The following CTRB2 variants were observed in gnomAD, a reference collection of about 807,000 sequenced individuals.
CTRB2 encodes the protein chymotrypsin B2.
A neutral mutation model predicts 19.3 loss-of-function variants in CTRB2; 9 were observed. The observed-to-expected ratio is 0.47, with a 90% CI of 0.28 to 0.81. CTRB2 has a LOEUF of 0.81. Among genes scored for constraint, CTRB2 ranks in the 40% least tolerant of loss-of-function variants. The pLI, the probability that CTRB2 is intolerant of heterozygous loss-of-function variation, is 0.11. For missense variants in CTRB2, 210 were observed against 269.7 expected, an observed-to-expected ratio of 0.78 and a Z score of 1.55; for synonymous variants, 98 against 117.3, an observed-to-expected ratio of 0.84 and a Z score of 1.06.
chr16:75,206,701 T>C (rs1597117678), intron 1 of CTRB2: 2 of 358,686 alleles, frequency 5.6e-6, no homozygotes, highest in South Asian at 2.5e-5. Context: ...AGGTTTGGAC[T>C]GAACGGTGCC....
chr16:75,206,999 C>T (rs2038903473), intron 1 of CTRB2, 91 bp downstream of exon 1: 3 of 1,244,134 alleles, frequency 2.4e-6, no homozygotes, highest in South Asian at 2.6e-5. Context: ...CACAGCTGAA[C>T]TGGGAGCTGG....
intron 6 of CTRB2, 33 bp from the exon 7 acceptor site, chr16:75,204,355 G>T: frequency 6.2e-7 from 1 of 1,609,078 alleles, no homozygotes; most frequent in Non-Finnish European, 8.5e-7. Context: ...CTCTAGGCCT[G>T]AAAGGGGTGC....
At chr16:75,204,957 G>A in intron 5 of CTRB2, 51 bp from the exon 6 acceptor site, 2 of 629,708 alleles carry the variant, frequency 3.2e-6, no homozygotes, top group Non-Finnish European at 5.0e-6. Flanking sequence ...AGCCAAGAGT[G>A]GAGGGAGAGA....
intron 1 of CTRB2, 54 bp downstream of exon 1, chr16:75,207,036 G>C (rs967800296): frequency 7.9e-6 from 12 of 1,513,414 alleles, no homozygotes; most frequent in African/African-American, 1.4e-5. Context: ...GCTGGCCTCG[G>C]GGCTGGGAGT....
intron 1 of CTRB2, chr16:75,206,429 T>A: frequency 1.7e-6 from 1 of 572,776 alleles, no homozygotes; most frequent in Non-Finnish European, 3.1e-6. Flanking sequence ...CCCACCTCAG[T>A]TCGGAGAAGT....
chr16:75,206,805 C>T (rs1190324893), intron 1 of CTRB2: 2 of 476,062 alleles, frequency 4.2e-6, no homozygotes, highest in Non-Finnish European at 7.8e-6. Context: ...AGCCCCCGGA[C>T]ACCTGCCTCC....
rs2038901225 is a variant in CTRB2, at chr16:75,206,898, G to T, written c.52+192C>A. ...GGACTCCCCATCTCCTGAGCTCAGA[G>T]GCGGCAGCTGAGCCTGGGAGGGAGG... On this transcript the variant is annotated intron_variant, in intron 1 of 6. Transcript: ENST00000303037. 6.6e-6 allele frequency: 4 copies of T among 604,564 alleles called. No individual in the cohort carries two copies. In the Admixed American group the frequency reaches 7.0e-5, roughly 11 times the overall value. 37.4% of individuals were successfully genotyped at this position (604,564 alleles called of 1,614,324 possible).
Position 75,206,290 on chromosome 16 carries a change from C to G in CTRB2, c.53-97G>C, listed in dbSNP as rs2038891101. ...CCAACTCTTTTCCAGTCTCTGGGACCTAGACTGGCTCCCACATCCCCTTCT... is the reference window on the plus strand; with the variant it reads ...CCAACTCTTTTCCAGTCTCTGGGACGTAGACTGGCTCCCACATCCCCTTCT... On this transcript the variant is annotated intron_variant, in intron 1 of 6. Transcript: ENST00000303037. The G allele has an allele frequency of 7.0e-6, 9 of 1,283,770 alleles. No individual in the cohort carries two copies. In the Middle Eastern group the frequency reaches 9.7e-4, roughly 139 times the overall value. 79.5% of individuals were successfully genotyped at this position (1,283,770 alleles called of 1,614,324 possible).
At position 75,204,910 on chromosome 16, in the gene CTRB2, C is replaced by G. The variant is rs1395234195; in HGVS notation, c.497-4G>C. 9.7e-7 allele frequency: 1 copy of G among 1,029,138 alleles called. No individual in the cohort carries two copies. The highest frequency in any genetic ancestry group is 1.6e-5 in the South Asian group (1 of 64,198). The allele number at this position is 1,029,138 out of a possible 1,614,324, so 63.8% of individuals were successfully genotyped here. A position where few individuals can be genotyped will look rare whatever the true frequency, so the allele number is the denominator to read the frequency against. Reference sequence around the variant, plus strand: ...AGCTTGTCAGGGGTCTTGTTGGCTGCAGGACAGGAGGAGGGTCAGGGCCCC... The same window carrying G: ...AGCTTGTCAGGGGTCTTGTTGGCTGGAGGACAGGAGGAGGGTCAGGGCCCC... On this transcript the variant is annotated splice_polypyrimidine_tract_variant and splice_region_variant and intron_variant, in intron 5 of 6. Coordinates refer to ENST00000303037, the MANE Select transcript of CTRB2 (RefSeq NM_001025200.4).
intron 5 of CTRB2, 34 bp from the exon 6 acceptor site, chr16:75,204,940 C>A (rs2038876678): frequency 1.3e-6 from 1 of 756,790 alleles, no homozygotes; most frequent in South Asian, 1.8e-5. Flanking sequence ...GGCCCCTGGG[C>A]TCACTCAGCC....
chr16:75,204,170 G>A lies in CTRB2; in HGVS notation c.783C>T (p.Ala261=), dbSNP rs1049303. ...GGCAGGAGCTGCGGGCTCAGTTGGC[G>A]GCCAGGATCTTCTGCACCCAGGGTA... The part of the protein sequence containing the change: ...KLIPWVQKIL[A]AN Residue 261 remains alanine, a synonymous_variant, in exon 7 of 7, where the codon GCC becomes GCT. Coordinates refer to ENST00000303037, the MANE Select transcript of CTRB2 (RefSeq NM_001025200.4). 0.029 allele frequency: 46,566 copies of A among 1,614,074 alleles called. 1,156 individuals carry two copies. Among genetic ancestry groups the A allele is most frequent in the Middle Eastern group, 0.11 (639 of 6,062 alleles).
At chr16:75,206,721 C>A (rs1404010377) in intron 1 of CTRB2, 2 of 377,082 alleles carry the variant, frequency 5.3e-6, no homozygotes, top group African/African-American at 2.1e-5. Flanking sequence ...CAAGCCCCAG[C>A]TGCCCACACA....
intron 1 of CTRB2, 28 bp from the exon 2 acceptor site, chr16:75,206,221 G>A (rs1335674800): frequency 1.9e-6 from 3 of 1,546,932 alleles, no homozygotes; most frequent in South Asian, 1.2e-5. Context: ...CTGAGGGGTG[G>A]GTACCACCCA....
chr16:75,204,712 A>T lies in CTRB2; in HGVS notation c.630+61T>A, dbSNP rs372809211. On this transcript the variant is annotated intron_variant, in intron 6 of 6. Coordinates refer to ENST00000303037, the MANE Select transcript of CTRB2 (RefSeq NM_001025200.4). ...GTAGATGAGAGCAGAGAGGGGTGGAAAGCCCAGACCTCCCCTGCACCCCGC... is the reference window on the plus strand; with the variant it reads ...GTAGATGAGAGCAGAGAGGGGTGGATAGCCCAGACCTCCCCTGCACCCCGC... 7.2e-5 allele frequency: 111 copies of T among 1,535,992 alleles called. 1 individual carries two copies. In the African/African-American group the frequency reaches 1.4e-3, roughly 20 times the overall value.
chr16:75,206,951 G>T (rs1311293818), intron 1 of CTRB2, 139 bp downstream of exon 1: 5 of 816,830 alleles, frequency 6.1e-6, no homozygotes, highest in Non-Finnish European at 1.0e-5. Flanking sequence ...CCACGGCAGA[G>T]ATGGAGCCGG....
chr16:75,206,271 C>A, intron 1 of CTRB2, 78 bp from the exon 2 acceptor site: 2 of 1,428,056 alleles, frequency 1.4e-6, no homozygotes, highest in Non-Finnish European at 1.9e-6. Context: ...ACTCCCAACT[C>A]TTTTCCAGTC....
chr16:75,204,303 A>AG lies in CTRB2; in HGVS notation c.649dup (p.Leu217ProfsTer58). The AG allele has an allele frequency of 6.2e-7, 1 of 1,614,038 alleles. No homozygotes were observed. The highest frequency in any genetic ancestry group is 8.5e-7 in the Non-Finnish European group (1 of 1,179,980). ...CCAGGCTCCGTCCTTCTGGCAGACC[A>AG]GGGGGCCTCCAGAGTCACCCTGCAG... On this transcript the variant is annotated frameshift_variant, in exon 7 of 7. Coordinates refer to ENST00000303037, the MANE Select transcript of CTRB2 (RefSeq NM_001025200.4). LOFTEE classifies it low-confidence loss of function (END_TRUNC).
intron 1 of CTRB2, chr16:75,206,577 T>C: frequency 3.0e-6 from 1 of 335,210 alleles, no homozygotes; most frequent in Non-Finnish European, 5.5e-6. Context: ...GATCACGCTG[T>C]TTCTGACCTC....
At chr16:75,206,384 C>T (rs1212973875) in intron 1 of CTRB2, 191 bp from the exon 2 acceptor site, 6 of 630,988 alleles carry the variant, frequency 9.5e-6, no homozygotes, top group Non-Finnish European at 1.6e-5. Context: ...GTCCAATGAA[C>T]TGGGCTGTGG....
Sources: gnomAD v4.1 joint callset for allele counts on GRCh38, gnomAD v4.1.1 for gene constraint, MANE v1.5 for transcripts, NCBI Gene and HGNC (gene_info 2026-07-23, HGNC 2026-07-21) for gene names.